ADAM11: variants seen among roughly 807,000 people sequenced by gnomAD.
The protein encoded by ADAM11 is ADAM metallopeptidase domain 11, also known as disintegrin and metalloproteinase domain-containing protein 11.
ADAM11 carries 49 observed loss-of-function variants against 119.1 expected under a neutral mutation model. That is an observed-to-expected ratio of 0.41 (90% CI 0.33 to 0.52). ADAM11 has a LOEUF of 0.52. ADAM11 is among the 20% of genes least tolerant of loss of function. The pLI is 0.20. For missense variants in ADAM11, 777 were observed against 1,047.5 expected (o/e 0.74, Z 3.56); for synonymous variants, 364 against 408.0 (o/e 0.89, Z 1.30).
intron 26 of ADAM11, 41 bp downstream of exon 26, chr17:44,779,280 C>A: frequency 6.4e-7 from 1 of 1,553,996 alleles, no homozygotes; most frequent in Admixed American, 2.2e-5. Flanking sequence ...ATGCCGGCCA[C>A]GTCATCCCTC....
chr17:44,773,133 C>T lies in ADAM11; in HGVS notation c.825+48C>T, dbSNP rs773047823. 68 of 1,593,034 alleles carry T rather than the reference C, an allele frequency of 4.3e-5. 1 individual carries two copies. The highest frequency in any genetic ancestry group is 1.3e-4 in the Admixed American group (8 of 59,802). On this transcript the variant is annotated intron_variant, in intron 10 of 26. Transcript: ENST00000200557. This position sits in a 1 kb window ranked among gnomAD's most constrained non-coding sequence, Gnocchi z 4.6. ...CTTCCCTCCTCCTCATGCCCCCCAC[C>T]CCACCACACACATTAGGGGGCACTG... is the stretch of plus-strand genomic sequence containing the variant.
chr17:44,775,477 T>C lies in ADAM11; in HGVS notation c.1392+12T>C. On this transcript the variant is annotated intron_variant, in intron 16 of 26. Coordinates refer to ENST00000200557, the MANE Select transcript of ADAM11 (RefSeq NM_002390.6). This position sits in a 1 kb window ranked among gnomAD's most constrained non-coding sequence, Gnocchi z 7.5. ...GCGGCTCGGTGCAGGTGAGCGGTGG[T>C]GCGGGCGCCAGGTGGGGAACCGGGA... 1 of 1,602,752 alleles carries C rather than the reference T, an allele frequency of 6.2e-7. No homozygotes were observed. The highest frequency in any genetic ancestry group is 8.5e-7 in the Non-Finnish European group (1 of 1,177,604).
chr17:44,766,684 G>C (rs1203288269), intron 2 of ADAM11, among the ~76,000 whole-genome samples: 1 of 152,224 alleles, frequency 6.6e-6, no homozygotes, highest in African/African-American at 2.4e-5. Flanking sequence ...GTAAAATGAG[G>C]ACCAGACAGC....
At chr17:44,769,870 G>A (rs1598886865) in intron 3 of ADAM11, 76 bp downstream of exon 3, 6 of 1,603,048 alleles carry the variant, frequency 3.7e-6, no homozygotes, top group Non-Finnish European at 5.1e-6. Context: ...GGCTGCTGGG[G>A]GTCTGGGGGT....
rs773994382 is a variant in ADAM11, at chr17:44,780,514, C to T, written c.*760C>T. On this transcript the variant is annotated 3_prime_UTR_variant, in exon 27 of 27. Transcript: ENST00000200557. ...CAGATCGTCTCCAATTCGAAAACAA[C>T]CGTCCTGCTGTCCCTGTCAGGACAC... 2.8e-5 allele frequency: 7 copies of T among 253,458 alleles called. No individual in the cohort carries two copies. The highest frequency in any genetic ancestry group is 4.6e-5 in the Non-Finnish European group (6 of 130,388). The allele number at this position is 253,458 out of a possible 1,614,324, so 15.7% of individuals were successfully genotyped here.
At chr17:44,762,925 G>C (rs11656065) in intron 2 of ADAM11, among the ~76,000 whole-genome samples, 14,194 of 150,430 alleles carry the variant, frequency 0.094, 826 homozygotes, top group Middle Eastern at 0.19. Flanking sequence ...GAGACCAGGA[G>C]TTTGAGACTA....
In ADAM11 at chr17:44,775,849, T is replaced by C. The variant is rs934627478; in HGVS notation, c.1485+173T>C. ...GGGAGCAAGGGGCGGGGCTGAAGGA[T>C]GTTGAAGGCGGGGCTACGAGGAGCG... On this transcript the variant is annotated intron_variant, in intron 17 of 26. Coordinates refer to ENST00000200557, the MANE Select transcript of ADAM11 (RefSeq NM_002390.6). The surrounding 1 kb of genome is among the most constrained non-coding windows in gnomAD (Gnocchi z 7.5). Among the ~76,000 whole-genome samples the C allele has an allele frequency of 6.7e-6, 1 of 148,402 alleles. No homozygotes were observed. Among genetic ancestry groups the C allele is most frequent in the African/African-American group, 2.5e-5 (1 of 39,878 alleles).
Position 44,769,961 on chromosome 17 carries a change from C to T in ADAM11, c.315-21C>T, listed in dbSNP as rs758360919. ...CTCACCTCGCCCGTGACCCCCCTTCCTGCTGCCCCCTCTGTCTCAGCCACC... is the reference window on the plus strand; with the variant it reads ...CTCACCTCGCCCGTGACCCCCCTTCTTGCTGCCCCCTCTGTCTCAGCCACC... On this transcript the variant is annotated intron_variant, in intron 3 of 26. Transcript: ENST00000200557. The T allele has an allele frequency of 2.5e-6, 4 of 1,613,964 alleles. No individual in the cohort carries two copies. The Admixed American group carries it at 5.0e-5, about 20-fold the overall frequency.
At position 44,780,599 on chromosome 17, in the gene ADAM11, C is replaced by A. The variant is rs1385778041; in HGVS notation, c.*845C>A. The A allele has an allele frequency of 5.9e-6, 1 of 170,658 alleles. No individual in the cohort carries two copies. The highest frequency in any genetic ancestry group is 1.2e-5 in the Non-Finnish European group (1 of 80,768). The allele number at this position is 170,658 out of a possible 1,614,324, so 10.6% of individuals were successfully genotyped here. On this transcript the variant is annotated 3_prime_UTR_variant, in exon 27 of 27. Transcript: ENST00000200557. ...ATATAGTTCCTATAATAAAATGGCA[C>A]CTTCCCCCTTTCAAGAAGGGTGATT...
Position 44,773,384 on chromosome 17 carries a change from C to CG in ADAM11, c.952dup (p.Glu318GlyfsTer5). The stretch of plus-strand genomic sequence containing the variant: ...CCTGGCCCGGCTCATGGTCTACCGA[C>CG]GGGAGGGTCTGCCTGAGCCCAGTGA... On this transcript the variant is annotated frameshift_variant, in exon 11 of 27. Coordinates refer to ENST00000200557, the MANE Select transcript of ADAM11 (RefSeq NM_002390.6). LOFTEE classifies it high-confidence loss of function. This position sits in a 1 kb window ranked among gnomAD's most constrained non-coding sequence, Gnocchi z 4.6. 6.2e-7 allele frequency: 1 copy of CG among 1,613,944 alleles called. No homozygotes were observed. The highest frequency in any genetic ancestry group is 8.5e-7 in the Non-Finnish European group (1 of 1,179,968).
At chr17:44,761,698 T>G (rs12940906) in intron 2 of ADAM11, among the ~76,000 whole-genome samples, 116,356 of 151,998 alleles carry the variant, frequency 0.77, 44,672 homozygotes, top group African/African-American at 0.81. Flanking sequence ...TGGGGCCCTC[T>G]CTTATCTGTG....
rs1389331501 is a variant in ADAM11 at position 44,773,225 on chromosome 17, C to T, written c.826-36C>T. The T allele has an allele frequency of 1.2e-6, 2 of 1,609,252 alleles. No individual in the cohort carries two copies. The highest frequency in any genetic ancestry group is 1.7e-6 in the Non-Finnish European group (2 of 1,176,302). On this transcript the variant is annotated intron_variant, in intron 10 of 26. Transcript: ENST00000200557. The surrounding 1 kb of genome is among the most constrained non-coding windows in gnomAD (Gnocchi z 4.6). ...CTCCTCCAGCCCTGGCCCCAACACC[C>T]ACTCCCACCCTCCAGCCCCCTCATC...
chr17:44,778,342 ACCAG>A (rs1315569630), intron 25 of ADAM11, 100 bp downstream of exon 25: 8 of 1,210,010 alleles, frequency 6.6e-6, no homozygotes, highest in Non-Finnish European at 9.2e-6. Flanking sequence ...GCCCAACTGA[ACCAG>A]AGCTCACACG....
At chr17:44,770,396 G>A (rs1335649368) in intron 4 of ADAM11, among the ~76,000 whole-genome samples, 1 of 152,018 alleles carries the variant, frequency 6.6e-6, no homozygotes, top group African/African-American at 2.4e-5. Flanking sequence ...CAATATCAAG[G>A]CCCCGAAAAT....
rs2049609105 is a variant in ADAM11 at position 44,776,875 on chromosome 17, G to A, written c.1618-24G>A. The A allele has an allele frequency of 6.2e-7, 1 of 1,613,500 alleles. No homozygotes were observed. Among genetic ancestry groups the A allele is most frequent in the Non-Finnish European group, 8.5e-7 (1 of 1,179,524 alleles). On this transcript the variant is annotated intron_variant, in intron 19 of 26. Transcript: ENST00000200557. This position sits in a 1 kb window ranked among gnomAD's most constrained non-coding sequence, Gnocchi z 5.2. ...TGACCACTCAGCATCTCCATCCCTT[G>A]CCTCTTAATTCTTGGACTCTCAGGG...
In ADAM11 at chr17:44,780,390, A is replaced by G. The variant is rs551512336; in HGVS notation, c.*636A>G. ...TGGGCATCCCAGCTTGCCCCCGCTT[A>G]GCCCCGCTGAGCTTGGAGGAAGTAT... On this transcript the variant is annotated 3_prime_UTR_variant, in exon 27 of 27. Coordinates refer to ENST00000200557, the MANE Select transcript of ADAM11 (RefSeq NM_002390.6). The G allele has an allele frequency of 6.5e-5, 22 of 338,070 alleles. No individual in the cohort carries two copies. The East Asian group carries it at 1.9e-3, about 30-fold the overall frequency. 20.9% of individuals were successfully genotyped at this position (338,070 alleles called of 1,614,324 possible). A position where few individuals can be genotyped will look rare whatever the true frequency, so the allele number is the denominator to read the frequency against.
At chr17:44,767,341 TG>T in intron 2 of ADAM11, among the ~76,000 whole-genome samples, 1 of 119,468 alleles carries the variant, frequency 8.4e-6, no homozygotes, top group Non-Finnish European at 1.6e-5. Context: ...GGTGATAGAG[TG>T]AGACTCCATC....
Position 44,775,111 on chromosome 17 carries a change from A to G in ADAM11, c.1221-101A>G, listed in dbSNP as rs1250245508. 7.0e-6 allele frequency: 7 copies of G among 1,002,378 alleles called. No individual in the cohort carries two copies. The highest frequency in any genetic ancestry group is 4.8e-5 in the African/African-American group (3 of 63,078). The allele number at this position is 1,002,378 out of a possible 1,614,324, so 62.1% of individuals were successfully genotyped here. On this transcript the variant is annotated intron_variant, in intron 14 of 26. Transcript: ENST00000200557. This position sits in a 1 kb window ranked among gnomAD's most constrained non-coding sequence, Gnocchi z 7.5. Reference sequence around the variant, plus strand: ...GGGGCAGATCCTCCGCCTCCTCGCGATGGTGACGAAGTCCCCCAGTGTACC... The same window carrying G: ...GGGGCAGATCCTCCGCCTCCTCGCGGTGGTGACGAAGTCCCCCAGTGTACC...
chr17:44,777,576 C>T lies in ADAM11; in HGVS notation c.1876C>T (p.His626Tyr), dbSNP rs1294662309. The T allele has an allele frequency of 1.9e-6, 3 of 1,614,182 alleles. No homozygotes were observed. The East Asian group carries it at 6.7e-5, about 36-fold the overall frequency. ...AGACATCAGTAGTGTCACCTTCTAC[C>T]ACCAGGGCAAGGAGCTGGACTGCAG... ...VGDISSVTFY[H>Y]QGKELDCRGG... is the part of the protein sequence containing the mutation. The change falls in exon 22 of 27, where the codon CAC becomes TAC. Residue 626 changes from histidine (H) to tyrosine (Y), a missense_variant. By Grantham distance (83) the His-to-Tyr change is moderately conservative (BLOSUM62 2). Transcript: ENST00000200557. This position sits in a 1 kb window ranked among gnomAD's most constrained non-coding sequence, Gnocchi z 5.1.
Sources: gnomAD v4.1 joint callset for allele counts (sites outside exome capture counted in the v4.1 genomes callset) on GRCh38, gnomAD v4.1.1 for gene constraint, Gnocchi (gnomAD v3.1) non-coding constraint, MANE v1.5 for transcripts, NCBI Gene and HGNC (gene_info 2026-07-23, HGNC 2026-07-21) for gene names.